Variants in SLC16A12 observed in about 807,000 individuals in gnomAD.
SLC16A12 encodes the protein monocarboxylate transporter 12.
A neutral mutation model predicts 42.4 loss-of-function variants in SLC16A12; 17 were observed. The observed-to-expected ratio is 0.40, with a 90% confidence interval of 0.27 to 0.60. The LOEUF is 0.60. Ranked by LOEUF, SLC16A12 falls within the 20% of genes least tolerant of loss-of-function variation. The pLI, the probability that SLC16A12 is intolerant of heterozygous loss-of-function variation, is 0.42. For missense variants in SLC16A12, 544 were observed against 623.0 expected, an observed-to-expected ratio of 0.87 and a Z score of 1.35; for synonymous variants, 224 against 229.4, an observed-to-expected ratio of 0.98 and a Z score of 0.21.
At chr10:89,453,222 T>C (rs10430720) in intron 3 of SLC16A12, among the ~76,000 whole-genome samples, 2,270 of 152,326 alleles carry the variant, frequency 0.015, 53 homozygotes, top group South Asian at 0.096. Flanking sequence ...CTGCCTGGCA[T>C]TGATTAACTG....
At chr10:89,515,103 GCAAAA>G (rs71942300) in intron 2 of SLC16A12, among the ~76,000 whole-genome samples, 83,823 of 139,696 alleles carry the variant, frequency 0.6, 24,065 homozygotes, top group East Asian at 0.78. Context: ...AAAAAAAGAA[GCAAAA>G]CAAAACAAAA....
intron 2 of SLC16A12, among the ~76,000 whole-genome samples, chr10:89,533,552 C>G (rs1321125635): frequency 6.6e-6 from 1 of 152,052 alleles, no homozygotes; most frequent in Non-Finnish European, 1.5e-5. Context: ...TCATATAAAA[C>G]ACTTCAACAC....
At chr10:89,496,294 C>T (rs1470047080) in intron 2 of SLC16A12, among the ~76,000 whole-genome samples, 2 of 151,118 alleles carry the variant, frequency 1.3e-5, no homozygotes, top group East Asian at 3.9e-4. Context: ...GAAGAGGAGG[C>T]TATAAAGAAA....
At chr10:89,540,183 T>C (rs1843707018), upstream of SLC16A12, among the ~76,000 whole-genome samples, 2 of 151,768 alleles carry the variant, frequency 1.3e-5, no homozygotes. Flanking sequence ...ACTGCAGCCT[T>C]GATTACCTAG....
intron 2 of SLC16A12, among the ~76,000 whole-genome samples, chr10:89,500,777 G>A (rs1022130332): frequency 2.0e-5 from 3 of 152,168 alleles, no homozygotes; most frequent in African/African-American, 7.2e-5. Context: ...ACATAGTACT[G>A]GAAGTCCTAG....
intron 2 of SLC16A12, among the ~76,000 whole-genome samples, chr10:89,493,334 T>C (rs1842875349): frequency 6.6e-6 from 1 of 152,000 alleles, no homozygotes; most frequent in Non-Finnish European, 1.5e-5. Flanking sequence ...GCGATTCTCA[T>C]GCCTCTGCCT....
At chr10:89,543,655 C>G (rs1430849649) in intron 2 of SLC16A12, among the ~76,000 whole-genome samples, 2 of 151,950 alleles carry the variant, frequency 1.3e-5, no homozygotes, top group African/African-American at 2.4e-5. Flanking sequence ...ATGGTGAAAA[C>G]CTGTCTCTAC....
At chr10:89,537,097 T>C (rs1163231498), upstream of SLC16A12, among the ~76,000 whole-genome samples, 11 of 151,710 alleles carry the variant, frequency 7.3e-5, 1 homozygote, top group East Asian at 2.1e-3. Context: ...AAAGAGTTAC[T>C]GATGAACAGT....
chr10:89,527,653 A>AT (rs398114622), intron 2 of SLC16A12, among the ~76,000 whole-genome samples: 1 of 151,110 alleles, frequency 6.6e-6, no homozygotes, highest in Non-Finnish European at 1.5e-5. Context: ...AAAAAAAAAA[A>AT]TTATTTATCT....
chr10:89,468,609 G>C (rs1157239375), intron 2 of SLC16A12, among the ~76,000 whole-genome samples: 1 of 152,198 alleles, frequency 6.6e-6, no homozygotes, highest in Non-Finnish European at 1.5e-5. Flanking sequence ...TTATCACAAG[G>C]TTATATGGCT....
At chr10:89,458,165 C>T (rs1212821690) in intron 3 of SLC16A12, among the ~76,000 whole-genome samples, 1 of 152,144 alleles carries the variant, frequency 6.6e-6, no homozygotes. Context: ...TATAGTGCTG[C>T]CAAATCTAAG....
chr10:89,537,151 T>TG (rs1564604020), upstream of SLC16A12, among the ~76,000 whole-genome samples: 42 of 150,618 alleles, frequency 2.8e-4, no homozygotes, highest in Non-Finnish European at 4.4e-4. Flanking sequence ...GTATGTTTTT[T>TG]TTTTTTTTTT....
In SLC16A12 at chr10:89,498,331, A is replaced by C. The variant is rs143206826; in HGVS notation, c.-46-35707T>G. Among the ~76,000 whole-genome samples, 1,229 of 152,260 alleles carry C rather than the reference A, an allele frequency of 8.1e-3. 56 individuals are homozygous for C. Among genetic ancestry groups the C allele is most frequent in the Admixed American group, 0.073 (1,122 of 15,286 alleles). ...TGGTTAACAAAAAGAGACTGTGTTGAAAGAGAAGAGAAGAGAAGGAAACAT... is the reference window on the plus strand; with the variant it reads ...TGGTTAACAAAAAGAGACTGTGTTGCAAGAGAAGAGAAGAGAAGGAAACAT... On this transcript the variant is annotated intron_variant, in intron 2 of 7. Transcript: ENST00000371790.
chr10:89,521,451 G>A (rs1244710375), intron 2 of SLC16A12, among the ~76,000 whole-genome samples: 4 of 152,182 alleles, frequency 2.6e-5, no homozygotes, highest in Non-Finnish European at 5.9e-5. Context: ...CACGGGCAGA[G>A]GAGAAAAAGA....
At chr10:89,486,604 AAAGAAAGAAAG>A (rs1447077920) in intron 2 of SLC16A12, among the ~76,000 whole-genome samples, 36 of 38,168 alleles carry the variant, frequency 9.4e-4, no homozygotes, top group South Asian at 2.0e-3. Flanking sequence ...AAAAAAAAAA[AAAGAAAGAAAG>A]AAAGAAAGAA....
chr10:89,454,650 T>C (rs1327956787), intron 3 of SLC16A12, among the ~76,000 whole-genome samples: 1 of 148,930 alleles, frequency 6.7e-6, no homozygotes, highest in Non-Finnish European at 1.5e-5. Context: ...GAGCCTTCAC[T>C]TTTTTTTTTC....
At chr10:89,519,272 A>G (rs968625084) in intron 2 of SLC16A12, among the ~76,000 whole-genome samples, 1 of 126,406 alleles carries the variant, frequency 7.9e-6, no homozygotes, top group African/African-American at 2.7e-5. Flanking sequence ...ATCGGGTACT[A>G]TCCTCACTGC....
chr10:89,437,746 T>C (rs1381756942), intron 6 of SLC16A12, among the ~76,000 whole-genome samples: 1 of 152,156 alleles, frequency 6.6e-6, no homozygotes, highest in Non-Finnish European at 1.5e-5. Flanking sequence ...AGCTACATGA[T>C]GGTATTAGCC....
At chr10:89,511,284 T>C (rs573835614) in intron 2 of SLC16A12, among the ~76,000 whole-genome samples, 81 of 152,344 alleles carry the variant, frequency 5.3e-4, no homozygotes, top group African/African-American at 1.9e-3. Flanking sequence ...TGCACACGTA[T>C]GTGTATTGCA....
Sources: gnomAD v4.1 joint callset for allele counts (sites outside exome capture counted in the v4.1 genomes callset) on GRCh38, gnomAD v4.1.1 for gene constraint, MANE v1.5 for transcripts, NCBI Gene and HGNC (gene_info 2026-07-23, HGNC 2026-07-21) for gene names.